Variants in KLHL8 observed in about 807,000 individuals in gnomAD.
The protein encoded by KLHL8 is kelch like family member 8.
A neutral mutation model predicts 63.5 loss-of-function variants in KLHL8; 38 were observed. The ratio of observed to expected loss-of-function variants is 0.60; its 90% confidence interval spans 0.46 to 0.78. KLHL8 has a LOEUF of 0.78. KLHL8 is among the 30% of genes least tolerant of loss of function. The pLI, the probability that KLHL8 is intolerant of heterozygous loss-of-function variation, is 0.00. For synonymous variants in KLHL8, 224 were observed against 254.3 expected, an observed-to-expected ratio of 0.88 and a Z score of 1.13; for missense variants, 566 against 752.4, an observed-to-expected ratio of 0.75 and a Z score of 2.90.
At chr4:87,193,248 A>G (rs568646794) in intron 2 of KLHL8, among the ~76,000 whole-genome samples, 1 of 152,286 alleles carries the variant, frequency 6.6e-6, no homozygotes, top group East Asian at 1.9e-4. Context: ...TTTTCTACTT[A>G]AAATTTTTTT....
chr4:87,221,757 A>G (rs557230149), upstream of KLHL8, among the ~76,000 whole-genome samples: 26 of 152,318 alleles, frequency 1.7e-4, no homozygotes, highest in East Asian at 4.6e-3. Flanking sequence ...TTTTATTTCT[A>G]GAAAAAAAAT....
chr4:87,189,575 C>T (rs1447625793), intron 2 of KLHL8, among the ~76,000 whole-genome samples: 1 of 152,012 alleles, frequency 6.6e-6, no homozygotes, highest in African/African-American at 2.4e-5. Context: ...TTCCTAACTC[C>T]ACTAGTTAGG....
At chr4:87,168,800 A>T (rs148652680) in intron 8 of KLHL8, among the ~76,000 whole-genome samples, 707 of 24,406 alleles carry the variant, frequency 0.029, 11 homozygotes, top group African/African-American at 0.045. Context: ...ATATACACAC[A>T]TATATATACA....
In KLHL8 at chr4:87,185,596, G is replaced by C. The variant is rs745317269; in HGVS notation, c.420C>G (p.Leu140=). ...LTLTVDNVQP[L]LYAACILQVE... The stretch of plus-strand genomic sequence containing the variant: ...CCTGCAGAATACAGGCTGCATATAA[G>C]AGAGGCTGGACATTGTCAACAGTCA... The change falls in exon 3 of 10, where the codon CTC becomes CTG. Residue 140 remains leucine (L), a synonymous_variant. Transcript: ENST00000273963. The C allele has an allele frequency of 3.7e-6, 6 of 1,614,108 alleles. No individual in the cohort carries two copies. The African/African-American group carries it at 5.3e-5, about 14-fold the overall frequency.
intron 2 of KLHL8, 38 bp from the exon 3 acceptor site, chr4:87,185,837 C>T (rs779457714): frequency 3.4e-6 from 5 of 1,489,074 alleles, no homozygotes; most frequent in Non-Finnish European, 4.5e-6. Flanking sequence ...TGTTTAATAT[C>T]AAAATCAGCT....
intron 1 of KLHL8, among the ~76,000 whole-genome samples, chr4:87,218,059 T>C (rs1442871698): frequency 1.3e-5 from 2 of 152,164 alleles, no homozygotes; most frequent in African/African-American, 4.8e-5. Flanking sequence ...TGTGATAACA[T>C]GTCAATGTAG....
chr4:87,165,310 A>G (rs993014991), intron 8 of KLHL8, among the ~76,000 whole-genome samples: 2 of 152,144 alleles, frequency 1.3e-5, no homozygotes, highest in African/African-American at 4.8e-5. Flanking sequence ...CATTACAACC[A>G]TTATATAAAA....
intron 6 of KLHL8, among the ~76,000 whole-genome samples, chr4:87,171,380 A>ATAT (rs1160018746): frequency 9.2e-5 from 14 of 152,184 alleles, no homozygotes; most frequent in Non-Finnish European, 1.3e-4. Flanking sequence ...TCTATGAAGT[A>ATAT]TTAGCTTTTA....
intron 6 of KLHL8, among the ~76,000 whole-genome samples, chr4:87,176,413 A>T (rs1006360485): frequency 6.6e-6 from 1 of 152,368 alleles, no homozygotes; most frequent in Admixed American, 6.5e-5. Context: ...AGGGGACAAA[A>T]TCATCCTCAG....
intron 1 of KLHL8, among the ~76,000 whole-genome samples, chr4:87,200,138 C>CAAAAAAAAAAAA (rs61605160): frequency 4.5e-3 from 326 of 73,176 alleles, no homozygotes; most frequent in African/African-American, 5.7e-3. Flanking sequence ...GAGACTGCCT[C>CAAAAAAAAAAAA]AAAAAAAAAA....
At chr4:87,234,143 G>A (rs1733185847) in intron 1 of KLHL8, among the ~76,000 whole-genome samples, 1 of 152,130 alleles carries the variant, frequency 6.6e-6, no homozygotes, top group Non-Finnish European at 1.5e-5. Context: ...GGTGTCATAA[G>A]ATTATAGTGC....
chr4:87,183,572 A>G (rs924243093), intron 3 of KLHL8, among the ~76,000 whole-genome samples, 183 bp from the exon 4 acceptor site: 20 of 152,202 alleles, frequency 1.3e-4, no homozygotes, highest in Non-Finnish European at 2.6e-4. Flanking sequence ...ATGATTTTCA[A>G]TGTGCCAAAT....
chr4:87,162,842 C>A lies in KLHL8; in HGVS notation c.*677G>T, dbSNP rs1480266181. ...AGATGAAAAAATAAAACTGTAAAAT[C>A]ATTTGGATGGAGTTAGCCCAGCTAG... On this transcript the variant is annotated 3_prime_UTR_variant, in exon 10 of 10. Coordinates refer to ENST00000273963, the MANE Select transcript of KLHL8 (RefSeq NM_020803.5). The A allele has an allele frequency of 6.6e-6, 1 of 152,104 alleles. No homozygotes were observed. Among genetic ancestry groups the A allele is most frequent in the African/African-American group, 2.4e-5 (1 of 41,436 alleles). The allele number at this position is 152,104 out of a possible 1,614,324, so 9.4% of individuals were successfully genotyped here.
chr4:87,163,890 G>A lies in KLHL8; in HGVS notation c.1727C>T (p.Pro576Leu). The change falls in exon 9 of 10, where the codon CCA (proline) becomes CTA (leucine). Residue 576 changes from proline to leucine, a missense_variant. Physicochemically the swap from Pro to Leu is moderately conservative, Grantham distance 98 (BLOSUM62 -3). Transcript: ENST00000273963. ...AYLNTVEAFDPVLNRWELVGS... is the reference protein window; with the variant it reads ...AYLNTVEAFDLVLNRWELVGS... ...ACATGTAAATTACCTATTCAGCACTGGATCAAACGCTTCTACTGTATTTAA... is the reference window on the plus strand; with the variant it reads ...ACATGTAAATTACCTATTCAGCACTAGATCAAACGCTTCTACTGTATTTAA... 1 of 1,613,716 alleles carries A rather than the reference G, an allele frequency of 6.2e-7. No individual in the cohort carries two copies. The highest frequency in any genetic ancestry group is 1.1e-5 in the South Asian group (1 of 91,060).
At chr4:87,165,149 CAAAAAAAAAAAAA>C (rs71660120) in intron 8 of KLHL8, among the ~76,000 whole-genome samples, 2 of 34,126 alleles carry the variant, frequency 5.9e-5, no homozygotes, top group South Asian at 2.8e-3. Context: ...GACTCTGTCT[CAAAAAAAAAAAAA>C]AAAAAAAAAA....
intron 1 of KLHL8, among the ~76,000 whole-genome samples, chr4:87,226,370 C>T (rs1732974023): frequency 6.6e-6 from 1 of 151,574 alleles, no homozygotes; most frequent in South Asian, 2.1e-4. Flanking sequence ...CAAGACCAGC[C>T]TAGCCAACAT....
chr4:87,228,383 C>T (rs1227159557), intron 1 of KLHL8, among the ~76,000 whole-genome samples: 1 of 152,162 alleles, frequency 6.6e-6, no homozygotes, highest in African/African-American at 2.4e-5. Flanking sequence ...GAAGCAAAGA[C>T]AGTTTTCTCA....
chr4:87,179,745 C>T (rs1010599475), intron 4 of KLHL8, among the ~76,000 whole-genome samples: 1 of 151,932 alleles, frequency 6.6e-6, no homozygotes, highest in Non-Finnish European at 1.5e-5. Context: ...CCACTGCACT[C>T]CAGCCTGAGT....
chr4:87,205,511 ATT>A (rs2110032783), intron 1 of KLHL8, among the ~76,000 whole-genome samples: 1 of 152,302 alleles, frequency 6.6e-6, no homozygotes, highest in South Asian at 2.1e-4. Context: ...AAATTAAATC[ATT>A]TAGTCCTCAC....
Sources: allele counts gnomAD v4.1 joint callset (sites outside exome capture counted in the v4.1 genomes callset), GRCh38; gene constraint gnomAD v4.1.1; transcripts MANE v1.5; gene names NCBI Gene and HGNC (gene_info 2026-07-23, HGNC 2026-07-21).